The following WWP1 variants were observed in gnomAD, a reference collection of about 807,000 sequenced individuals.
The protein encoded by WWP1 is WW domain containing E3 ubiquitin protein ligase 1.
A neutral mutation model predicts 130.6 loss-of-function variants in WWP1; 49 were observed. That is an observed-to-expected ratio of 0.38 (90% CI 0.30 to 0.48). The LOEUF (loss-of-function observed/expected upper bound fraction) is 0.48. Ranked by LOEUF, WWP1 falls within the 20% of genes least tolerant of loss-of-function variation. The pLI, the probability that WWP1 is intolerant of heterozygous loss-of-function variation, is 0.99. For missense variants in WWP1, 809 were observed against 1,100.6 expected (o/e 0.74, Z 3.75); for synonymous variants, 332 against 367.8 (o/e 0.90, Z 1.11).
intron 9 of WWP1, 140 bp downstream of exon 9, chr8:86,412,014 A>G (rs1808614522): frequency 4.9e-6 from 4 of 823,970 alleles, no homozygotes; most frequent in Non-Finnish European, 5.5e-6. Flanking sequence ...CTATTTATTT[A>G]CTTGCTACAA....
intron 1 of WWP1, among the ~76,000 whole-genome samples, chr8:86,363,239 G>A (rs1823772498): frequency 6.6e-6 from 1 of 152,104 alleles, no homozygotes; most frequent in Non-Finnish European, 1.5e-5. Flanking sequence ...GTTAATGTCA[G>A]GTTACTTTTT....
At chr8:86,392,987 C>T (rs1807440664) in intron 5 of WWP1, among the ~76,000 whole-genome samples, 1 of 151,728 alleles carries the variant, frequency 6.6e-6, no homozygotes, top group South Asian at 2.1e-4. Context: ...TAAATATTTG[C>T]CACATTATTA....
In WWP1 at chr8:86,430,993, T is replaced by C. The variant is rs938511876; in HGVS notation, c.1387+242T>C. Among the ~76,000 whole-genome samples the C allele has an allele frequency of 3.6e-5, 5 of 139,240 alleles. No individual in the cohort carries two copies. The East Asian group carries it at 1.0e-3, about 28-fold the overall frequency. The allele number at this position is 139,240 out of a possible 152,430, so 91.3% of individuals were successfully genotyped here. A position where few individuals can be genotyped will look rare whatever the true frequency, so the allele number is the denominator to read the frequency against. On this transcript the variant is annotated intron_variant, in intron 12 of 24. Coordinates refer to ENST00000517970, the MANE Select transcript of WWP1 (RefSeq NM_007013.4). ...TATACTATATAGAATATATAATCCA[T>C]ATTAAATATATTATATATTATAAGG...
At chr8:86,421,223 G>T (rs1350062390) in intron 9 of WWP1, among the ~76,000 whole-genome samples, 1 of 151,756 alleles carries the variant, frequency 6.6e-6, no homozygotes, top group Non-Finnish European at 1.5e-5. Flanking sequence ...GTGTTCCAGT[G>T]TAGGATATAA....
At chr8:86,438,704 A>G in intron 17 of WWP1, 31 bp downstream of exon 17, 1 of 1,521,246 alleles carries the variant, frequency 6.6e-7, no homozygotes, top group Non-Finnish European at 9.0e-7. Flanking sequence ...CTGCCTTGAA[A>G]TAAGTATATC....
At chr8:86,463,938 G>A (rs1187277664) in intron 24 of WWP1, among the ~76,000 whole-genome samples, 1 of 151,988 alleles carries the variant, frequency 6.6e-6, no homozygotes, top group African/African-American at 2.4e-5. Flanking sequence ...GCACACACCT[G>A]TAGTCCCAGC....
At chr8:86,343,797 A>T (rs890847101) in intron 1 of WWP1, among the ~76,000 whole-genome samples, 2 of 152,016 alleles carry the variant, frequency 1.3e-5, no homozygotes, top group African/African-American at 4.8e-5. Flanking sequence ...AAGTTTAACA[A>T]ATTTTTTTCT....
At chr8:86,409,844 A>G (rs1160570601) in intron 8 of WWP1, among the ~76,000 whole-genome samples, 1 of 151,986 alleles carries the variant, frequency 6.6e-6, no homozygotes, top group African/African-American at 2.4e-5. Context: ...TGGGCCACAG[A>G]GCGAGACACC....
At chr8:86,346,090 T>C (rs1355139836) in intron 1 of WWP1, among the ~76,000 whole-genome samples, 1 of 152,210 alleles carries the variant, frequency 6.6e-6, no homozygotes, top group East Asian at 1.9e-4. Flanking sequence ...GTTTTTAACA[T>C]TTTGTGATTC....
intron 7 of WWP1, 58 bp from the exon 8 acceptor site, chr8:86,401,961 T>G: frequency 7.3e-7 from 1 of 1,378,878 alleles, no homozygotes; most frequent in Non-Finnish European, 9.5e-7. Context: ...ATGAAAATTC[T>G]CATGAAATGT....
chr8:86,442,656 C>CCAATGTATTGGGTTCAAG lies in WWP1; in HGVS notation c.1886_1887insGGTTCAAGCAATGTATTG (p.Tyr628_Cys629insTrpValGlnAlaMetTyr). 1 of 1,606,040 alleles carries CCAATGTATTGGGTTCAAG rather than the reference C, an allele frequency of 6.2e-7. No individual in the cohort carries two copies. The highest frequency in any genetic ancestry group is 8.5e-7 in the Non-Finnish European group (1 of 1,176,930). ...CTTGCTTTCACATGAAGTTTTGAACCCAATGTATTGCTTATTTGAGTATGC... is the reference window on the plus strand; with the variant it reads ...CTTGCTTTCACATGAAGTTTTGAACCCAATGTATTGGGTTCAAGCAATGTATTGCTTATTTGAGTATGC... On this transcript the variant is annotated inframe_insertion, in exon 18 of 25. Transcript: ENST00000517970.
chr8:86,361,972 G>T (rs1823628984), intron 1 of WWP1, among the ~76,000 whole-genome samples: 1 of 117,516 alleles, frequency 8.5e-6, no homozygotes, highest in Admixed American at 8.4e-5. Flanking sequence ...TAGTGTGTGT[G>T]TGTATATATA....
At chr8:86,362,279 TC>T (rs1823713949) in intron 1 of WWP1, among the ~76,000 whole-genome samples, 1 of 147,714 alleles carries the variant, frequency 6.8e-6, no homozygotes, top group South Asian at 2.1e-4. Flanking sequence ...TTTTTTTTTT[TC>T]ACATGGTAAA....
chr8:86,373,381 T>A (rs1824445401), intron 2 of WWP1, among the ~76,000 whole-genome samples: 1 of 152,206 alleles, frequency 6.6e-6, no homozygotes, highest in African/African-American at 2.4e-5. Flanking sequence ...TTTTTTTGTC[T>A]GCTTGACTTA....
At position 86,448,376 on chromosome 8, in the gene WWP1, T is replaced by C. The variant is rs1367798615; in HGVS notation, c.2136T>C (p.Asp712=). 6.2e-6 allele frequency: 10 copies of C among 1,611,914 alleles called. No homozygotes were observed. The highest frequency in any genetic ancestry group is 8.5e-6 in the Non-Finnish European group (10 of 1,179,396). Residue 712 remains aspartate, a synonymous_variant, in exon 20 of 25, where the codon GAT becomes GAC. Transcript: ENST00000517970. ...EFYNSLIWIR[D]NNIEECGLEM... ...TATATATATTTATTTCACCCAGAGA[T>C]AACAACATTGAAGAATGTGGCTTAG... is the stretch of plus-strand genomic sequence containing the variant.
chr8:86,392,989 A>G (rs1807440795), intron 5 of WWP1, among the ~76,000 whole-genome samples: 1 of 151,752 alleles, frequency 6.6e-6, no homozygotes, highest in Admixed American at 6.6e-5. Context: ...AATATTTGCC[A>G]CATTATTAGA....
chr8:86,437,902 C>A (rs1053437750), intron 16 of WWP1, among the ~76,000 whole-genome samples: 1 of 152,164 alleles, frequency 6.6e-6, no homozygotes, highest in Non-Finnish European at 1.5e-5. Context: ...CGGGTTCACA[C>A]CATTCTCCTG....
At chr8:86,382,427 G>A (rs2130372321) in intron 5 of WWP1, among the ~76,000 whole-genome samples, 1 of 152,148 alleles carries the variant, frequency 6.6e-6, no homozygotes, top group Middle Eastern at 3.4e-3. Flanking sequence ...AGCTGGGGGT[G>A]GTGGCTCATG....
chr8:86,418,830 C>T (rs1586406471), intron 9 of WWP1, among the ~76,000 whole-genome samples: 1 of 152,298 alleles, frequency 6.6e-6, no homozygotes, highest in East Asian at 1.9e-4. Context: ...TTCAAATACA[C>T]ACCCAACACA....
Sources: allele counts gnomAD v4.1 joint callset (sites outside exome capture counted in the v4.1 genomes callset), GRCh38; gene constraint gnomAD v4.1.1; transcripts MANE v1.5; gene names NCBI Gene and HGNC (gene_info 2026-07-23, HGNC 2026-07-21).